NTN4: variants seen among roughly 807,000 people sequenced by gnomAD.
The protein encoded by NTN4 is netrin 4, also known as netrin-4.
A neutral mutation model predicts 73.6 loss-of-function variants in NTN4; 32 were observed. The observed-to-expected ratio is 0.44, with a 90% CI of 0.33 to 0.58. The LOEUF (loss-of-function observed/expected upper bound fraction) is 0.58. Ranked by LOEUF, NTN4 falls within the 20% of genes least tolerant of loss-of-function variation. The pLI, the probability that NTN4 is intolerant of heterozygous loss-of-function variation, is 0.04. For missense variants in NTN4, 654 were observed against 798.3 expected, an observed-to-expected ratio of 0.82 and a Z score of 2.18; for synonymous variants, 258 against 287.5, an observed-to-expected ratio of 0.90 and a Z score of 1.04.
intron 2 of NTN4, among the ~76,000 whole-genome samples, chr12:95,770,485 C>G (rs2079049736): frequency 6.6e-6 from 1 of 152,154 alleles, no homozygotes; most frequent in African/African-American, 2.4e-5. Context: ...CCTCCATTAC[C>G]TTTACTTTTT....
chr12:95,765,653 G>A (rs1016896666), intron 2 of NTN4, among the ~76,000 whole-genome samples: 1 of 152,144 alleles, frequency 6.6e-6, no homozygotes, highest in Non-Finnish European at 1.5e-5. Flanking sequence ...TAGACATATA[G>A]AGGCACCCAC....
chr12:95,683,751 T>C (rs758098701), intron 5 of NTN4, 40 bp from the exon 6 acceptor site: 2 of 1,502,276 alleles, frequency 1.3e-6, no homozygotes, highest in East Asian at 2.4e-5. Flanking sequence ...AGACTGACTG[T>C]AGATCACCCG....
At chr12:95,745,648 ATTTG>A (rs1362866485) in intron 2 of NTN4, among the ~76,000 whole-genome samples, 2 of 151,866 alleles carry the variant, frequency 1.3e-5, no homozygotes, top group Non-Finnish European at 2.9e-5. Flanking sequence ...GTTTCTATTG[ATTTG>A]TTTTTCTTTT....
chr12:95,764,427 G>A (rs1045829198), intron 2 of NTN4, among the ~76,000 whole-genome samples: 2 of 152,216 alleles, frequency 1.3e-5, no homozygotes, highest in South Asian at 2.1e-4. Flanking sequence ...CACTTTGGGA[G>A]GCCGAGGCCA....
At chr12:95,758,860 T>G (rs1469542971) in intron 2 of NTN4, among the ~76,000 whole-genome samples, 1 of 152,226 alleles carries the variant, frequency 6.6e-6, no homozygotes, top group Non-Finnish European at 1.5e-5. Context: ...CTGTCCAGTT[T>G]TTAATTTCTA....
chr12:95,765,899 T>C (rs994252413), intron 2 of NTN4, among the ~76,000 whole-genome samples: 14 of 152,050 alleles, frequency 9.2e-5, no homozygotes, highest in African/African-American at 3.4e-4. Context: ...GAGTGTGCAA[T>C]GAGAGAGATG....
chr12:95,683,761 G>C, intron 5 of NTN4, 50 bp from the exon 6 acceptor site: 1 of 1,452,746 alleles, frequency 6.9e-7, no homozygotes, highest in Non-Finnish European at 9.5e-7. Flanking sequence ...TAGATCACCC[G>C]TGTGAACATT....
intron 5 of NTN4, among the ~76,000 whole-genome samples, chr12:95,695,115 G>A (rs531379323): frequency 1.6e-4 from 24 of 148,324 alleles, no homozygotes; most frequent in African/African-American, 5.5e-4. Flanking sequence ...GCAACAGAGC[G>A]AGACTGTCTC....
intron 2 of NTN4, among the ~76,000 whole-genome samples, chr12:95,744,903 AT>A (rs1416608205): frequency 1.6e-4 from 22 of 135,182 alleles, no homozygotes; most frequent in African/African-American, 5.6e-4. Flanking sequence ...TTTGTAAAAT[AT>A]TTTTTGCTGG....
intron 7 of NTN4, among the ~76,000 whole-genome samples, chr12:95,674,269 G>A (rs1263005062): frequency 6.6e-6 from 1 of 152,112 alleles, no homozygotes; most frequent in Non-Finnish European, 1.5e-5. Context: ...AAAACCTAAT[G>A]GAACTCCAAA....
intron 7 of NTN4, among the ~76,000 whole-genome samples, chr12:95,675,443 A>G (rs2078266137): frequency 6.6e-6 from 1 of 151,924 alleles, no homozygotes; most frequent in Non-Finnish European, 1.5e-5. Context: ...CACAACTTCT[A>G]AAACTTTTCT....
At position 95,761,424 on chromosome 12, in the gene NTN4, G is replaced by A. The variant is rs569055687; in HGVS notation, c.586-23280C>T. The stretch of plus-strand genomic sequence containing the variant: ...CGGCTCATTGCAACCTCCACCTCCT[G>A]GGTTCCAGCGATTCTCCCACTTCAG... On this transcript the variant is annotated intron_variant, in intron 2 of 9. Coordinates refer to ENST00000343702, the MANE Select transcript of NTN4 (RefSeq NM_021229.4). 4.6e-3 allele frequency among the ~76,000 whole-genome samples: 689 copies of A among 149,296 alleles called. 5 individuals carry two copies. The highest frequency in any genetic ancestry group is 0.016 in the African/African-American group (640 of 40,546).
At chr12:95,687,621 G>A (rs909036042) in intron 5 of NTN4, among the ~76,000 whole-genome samples, 2 of 151,860 alleles carry the variant, frequency 1.3e-5, no homozygotes, top group African/African-American at 2.4e-5. Context: ...GGCTGGTCTC[G>A]AACTCCTGAC....
chr12:95,676,772 C>T (rs778110454), intron 7 of NTN4, among the ~76,000 whole-genome samples: 6 of 151,260 alleles, frequency 4.0e-5, no homozygotes, highest in Non-Finnish European at 8.8e-5. Context: ...ATCAAGTTAA[C>T]CAAAAGTTAA....
chr12:95,720,814 T>C (rs1400681789), intron 3 of NTN4, among the ~76,000 whole-genome samples: 1 of 152,214 alleles, frequency 6.6e-6, no homozygotes, highest in Non-Finnish European at 1.5e-5. Context: ...GGGTCAGTTA[T>C]GGACCTGATG....
At chr12:95,699,842 A>G (rs897408689) in intron 5 of NTN4, among the ~76,000 whole-genome samples, 2 of 152,296 alleles carry the variant, frequency 1.3e-5, no homozygotes, top group East Asian at 1.9e-4. Flanking sequence ...GGGCATGCCA[A>G]TCTTTCAAGA....
chr12:95,753,185 G>T (rs2121223477), intron 2 of NTN4, among the ~76,000 whole-genome samples: 1 of 152,156 alleles, frequency 6.6e-6, no homozygotes, highest in East Asian at 1.9e-4. Context: ...CACCAGCAAA[G>T]GCAGGCTATG....
intron 3 of NTN4, among the ~76,000 whole-genome samples, chr12:95,732,105 T>A (rs754322023): frequency 6.6e-6 from 1 of 152,228 alleles, no homozygotes; most frequent in South Asian, 2.1e-4. Flanking sequence ...TTTTACCATA[T>A]GAAGTATTTT....
At chr12:95,674,363 CCTTT>C (rs1326657613) in intron 7 of NTN4, among the ~76,000 whole-genome samples, 8 of 152,150 alleles carry the variant, frequency 5.3e-5, no homozygotes, top group African/African-American at 1.7e-4. Context: ...TGTTTGATGA[CCTTT>C]CTTTGGCTGC....
Sources: allele counts gnomAD v4.1 joint callset (sites outside exome capture counted in the v4.1 genomes callset), GRCh38; gene constraint gnomAD v4.1.1; transcripts MANE v1.5; gene names NCBI Gene and HGNC (gene_info 2026-07-23, HGNC 2026-07-21).